Variants in XPO7 observed in about 807,000 individuals in gnomAD.
XPO7 encodes exportin 7.
Under a neutral mutation model 144.3 loss-of-function variants are expected in XPO7, and 21 were observed. The ratio of observed to expected loss-of-function variants is 0.15; its 90% CI spans 0.10 to 0.21. The LOEUF (loss-of-function observed/expected upper bound fraction) is 0.21. Ranked by LOEUF, XPO7 falls within the 10% of genes least tolerant of loss-of-function variation. The pLI is 1.00. For synonymous variants in XPO7, 580 were observed against 499.6 expected (o/e 1.16, Z -2.15); for missense variants, 808 against 1,325.8 (o/e 0.61, Z 6.06).
chr8:21,962,110 G>A (rs1811744118), intron 1 of XPO7, among the ~76,000 whole-genome samples: 1 of 152,106 alleles, frequency 6.6e-6, no homozygotes, highest in African/African-American at 2.4e-5. Flanking sequence ...GCACTGACTT[G>A]GTAAACTTTT....
Position 21,981,468 on chromosome 8 carries a change from C to G in XPO7, c.958-263C>G, listed in dbSNP as rs113530239. Among the ~76,000 whole-genome samples, 505 of 152,318 alleles carry G rather than the reference C, an allele frequency of 3.3e-3. 1 individual carries two copies. The highest frequency in any genetic ancestry group is 0.012 in the African/African-American group (486 of 41,568). On this transcript the variant is annotated intron_variant, in intron 9 of 27. Coordinates refer to ENST00000252512, the MANE Select transcript of XPO7 (RefSeq NM_015024.5). The stretch of plus-strand genomic sequence containing the variant: ...TCCTCCTGGGCTTCTGTTTCAAACT[C>G]TGTCCATTGAGGCTAATAATGTCAT...
At position 21,999,678 on chromosome 8, in the gene XPO7, A is replaced by G. The variant is rs1043796404; in HGVS notation, c.2782+4A>G. ...TCTGAAGGACTTACTGCACTTGGTA[A>G]GCACCTGAGGTGGGTGGGTGAGTTG... On this transcript the variant is annotated splice_donor_region_variant and intron_variant, in intron 24 of 27. Coordinates refer to ENST00000252512, the MANE Select transcript of XPO7 (RefSeq NM_015024.5). The G allele has an allele frequency of 1.2e-6, 2 of 1,614,026 alleles. No individual in the cohort carries two copies. Among genetic ancestry groups the G allele is most frequent in the Non-Finnish European group, 8.5e-7 (1 of 1,179,888 alleles).
In XPO7 at chr8:21,985,629, T is replaced by G. The variant is rs940938222; in HGVS notation, c.1515T>G (p.Gly505=). The G allele has an allele frequency of 5.6e-6, 9 of 1,613,780 alleles. No individual in the cohort carries two copies. Among genetic ancestry groups the G allele is most frequent in the Middle Eastern group, 1.7e-4 (1 of 6,002 alleles). ...WLVYIIGAVI[G]GRVSFASTDE... ...TTTACATTATTGGAGCAGTGATCGG[T>G]GGCCGGGTTTCTTTTGCCAGCACTG... Residue 505 remains glycine, a synonymous_variant, in exon 13 of 28, where the codon GGT becomes GGG. Transcript: ENST00000252512.
chr8:21,987,885 G>A, intron 15 of XPO7, 28 bp downstream of exon 15: 2 of 1,611,106 alleles, frequency 1.2e-6, no homozygotes, highest in South Asian at 1.1e-5. Context: ...CCACCAGCAA[G>A]AGTCCTTTGC....
At chr8:21,992,750 C>G (rs1166190531) in intron 19 of XPO7, among the ~76,000 whole-genome samples, 1 of 152,154 alleles carries the variant, frequency 6.6e-6, no homozygotes, top group African/African-American at 2.4e-5. Context: ...TTCTTGTTTT[C>G]TAGCTCTTAG....
chr8:21,977,871 C>G, intron 8 of XPO7, 28 bp downstream of exon 8: 6 of 1,584,768 alleles, frequency 3.8e-6, no homozygotes, highest in East Asian at 2.2e-5. Context: ...TTTCTTAAAG[C>G]AAACCTATTC....
intron 1 of XPO7, among the ~76,000 whole-genome samples, chr8:21,965,011 C>G (rs1811838403): frequency 6.6e-6 from 1 of 152,176 alleles, no homozygotes; most frequent in South Asian, 2.1e-4. Context: ...TGTGTGATGG[C>G]TGTGGAGGTT....
chr8:21,954,680 C>T (rs1811479155), intron 1 of XPO7, among the ~76,000 whole-genome samples: 1 of 151,872 alleles, frequency 6.6e-6, no homozygotes, highest in Non-Finnish European at 1.5e-5. Context: ...AAATGTGCAC[C>T]GGCCCAACAG....
chr8:21,935,784 C>T (rs1225742411), intron 1 of XPO7, among the ~76,000 whole-genome samples: 1 of 150,518 alleles, frequency 6.6e-6, no homozygotes, highest in Non-Finnish European at 1.5e-5. Context: ...ATCCATGGCC[C>T]TTCTCATGCC....
intron 5 of XPO7, among the ~76,000 whole-genome samples, chr8:21,973,687 A>G (rs1585456438): frequency 6.6e-6 from 1 of 152,360 alleles, no homozygotes; most frequent in African/African-American, 2.4e-5. Context: ...ATCAGTAAAC[A>G]GAAGAGATTT....
rs78001445 is a variant in XPO7 at position 21,969,711 on chromosome 8, G to A, written c.259+135G>A. The stretch of plus-strand genomic sequence containing the variant: ...ATACAAAATGTCTAGAATCCAGTTC[G>A]TTTCCAGAATTTGGGGCTTATGAAA... On this transcript the variant is annotated intron_variant, in intron 3 of 27. Transcript: ENST00000252512. 1.4e-3 allele frequency: 1,276 copies of A among 923,170 alleles called. 11 individuals carry two copies. The African/African-American group carries it at 0.019, about 14-fold the overall frequency. The allele number at this position is 923,170 out of a possible 1,614,324, so 57.2% of individuals were successfully genotyped here. A position where few individuals can be genotyped will look rare whatever the true frequency, so the allele number is the denominator to read the frequency against.
chr8:21,996,066 C>T (rs769154580), intron 21 of XPO7, among the ~76,000 whole-genome samples: 55 of 152,184 alleles, frequency 3.6e-4, no homozygotes, highest in Non-Finnish European at 4.0e-4. Context: ...CCGCGTGCCT[C>T]GGCCTCCCAA....
rs1247710079 is a variant in XPO7 at position 21,974,695 on chromosome 8, A to G, written c.518A>G (p.Lys173Arg). ...GCAGACACCACCCATCCTTTAACCAAGCACAGAAAAATAGCCTCTTCTTTT... is the reference window on the plus strand; with the variant it reads ...GCAGACACCACCCATCCTTTAACCAGGCACAGAAAAATAGCCTCTTCTTTT... ...NQADTTHPLT[K>R]HRKIASSFRD... The change falls in exon 6 of 28, where the codon AAG becomes AGG. Residue 173 changes from lysine (K) to arginine (R), a missense_variant. Lys to Arg is a conservative substitution (Grantham distance 26). Around this residue, in one of 5 missense-constraint regions of XPO7, gnomAD observed 223 missense variants for 368.8 expected, o/e 0.60. Coordinates refer to ENST00000252512, the MANE Select transcript of XPO7 (RefSeq NM_015024.5). 6 of 1,593,824 alleles carry G rather than the reference A, an allele frequency of 3.8e-6. No individual in the cohort carries two copies. The highest frequency in any genetic ancestry group is 1.8e-5 in the Admixed American group (1 of 56,916).
At chr8:21,922,258 A>G (rs1464962654) in intron 1 of XPO7, among the ~76,000 whole-genome samples, 2 of 152,166 alleles carry the variant, frequency 1.3e-5, no homozygotes, top group Non-Finnish European at 2.9e-5. Flanking sequence ...TGTCTTGGAT[A>G]TCTCTCTTCT....
At chr8:21,963,423 C>T (rs1185799226) in intron 1 of XPO7, among the ~76,000 whole-genome samples, 3 of 152,146 alleles carry the variant, frequency 2.0e-5, no homozygotes, top group African/African-American at 4.8e-5. Flanking sequence ...AGACCGGGCA[C>T]GGTGGCTCAC....
chr8:21,964,270 C>T (rs967963486), intron 1 of XPO7: 1 of 152,180 alleles, frequency 6.6e-6, no homozygotes, highest in Non-Finnish European at 1.5e-5. Context: ...TTAATAAGAA[C>T]TGGCGACTAG....
intron 8 of XPO7, among the ~76,000 whole-genome samples, chr8:21,979,035 G>T (rs536176310): frequency 6.6e-6 from 1 of 152,282 alleles, no homozygotes; most frequent in Admixed American, 6.5e-5. Context: ...GGGAACAGAG[G>T]GAAATGTCTT....
intron 1 of XPO7, among the ~76,000 whole-genome samples, chr8:21,960,641 G>A (rs1023683873): frequency 6.6e-6 from 1 of 152,206 alleles, no homozygotes; most frequent in African/African-American, 2.4e-5. Context: ...ATGCACGCCA[G>A]GCTCTGGCAT....
chr8:21,999,781 T>TG (rs1023064856), intron 24 of XPO7, 107 bp downstream of exon 24: 1 of 1,431,096 alleles, frequency 7.0e-7, no homozygotes, highest in Non-Finnish European at 9.5e-7. Context: ...ACCACTGCCT[T>TG]GGGGGTTTGG....
Sources: gnomAD v4.1 joint callset for allele counts (sites outside exome capture counted in the v4.1 genomes callset) on GRCh38, gnomAD v4.1.1 for gene constraint, gnomAD v4.1.1 regional missense constraint, MANE v1.5 for transcripts, NCBI Gene and HGNC (gene_info 2026-07-23, HGNC 2026-07-21) for gene names.